Variants in RIPK2 observed in about 807,000 individuals in gnomAD.
The protein encoded by RIPK2 is receptor-interacting serine/threonine-protein kinase 2.
RIPK2 carries 38 observed loss-of-function variants against 60.9 expected under a neutral mutation model. The ratio of observed to expected loss-of-function variants is 0.62; its 90% confidence interval spans 0.48 to 0.82. RIPK2 has a LOEUF of 0.82. Ranked by LOEUF, RIPK2 falls within the 40% of genes least tolerant of loss-of-function variation. The pLI is 0.00. For synonymous variants in RIPK2, 225 were observed against 223.4 expected, an observed-to-expected ratio of 1.01 and a Z score of -0.06; for missense variants, 518 against 647.0, an observed-to-expected ratio of 0.80 and a Z score of 2.16.
chr8:89,770,771 C>T (rs1235982787), intron 4 of RIPK2, among the ~76,000 whole-genome samples: 1 of 151,822 alleles, frequency 6.6e-6, no homozygotes, highest in Non-Finnish European at 1.5e-5. Flanking sequence ...TCTTCAAAAG[C>T]ATTTTAATTT....
At chr8:89,766,645 T>TTC (rs1361775937) in intron 3 of RIPK2, among the ~76,000 whole-genome samples, 6 of 151,114 alleles carry the variant, frequency 4.0e-5, no homozygotes, top group African/African-American at 1.5e-4. Flanking sequence ...AAAATGATAA[T>TTC]ACCAAATGCC....
At chr8:89,776,710 T>C (rs1452562895) in intron 6 of RIPK2, among the ~76,000 whole-genome samples, 1 of 152,144 alleles carries the variant, frequency 6.6e-6, no homozygotes, top group African/African-American at 2.4e-5. Context: ...AACAGAATAG[T>C]AGATGTATTT....
intron 8 of RIPK2, among the ~76,000 whole-genome samples, chr8:89,786,013 T>C (rs1045529671): frequency 6.6e-5 from 10 of 152,214 alleles, no homozygotes; most frequent in Non-Finnish European, 1.3e-4. Context: ...TTCTAGCTAC[T>C]GGCTGCAGCA....
At chr8:89,762,512 C>T (rs1002777761) in intron 1 of RIPK2, among the ~76,000 whole-genome samples, 3 of 152,146 alleles carry the variant, frequency 2.0e-5, no homozygotes, top group African/African-American at 7.2e-5. Flanking sequence ...ATTGTTCTAA[C>T]ATAGATAGAC....
chr8:89,780,966 T>C (rs1054887069), intron 7 of RIPK2, among the ~76,000 whole-genome samples: 2 of 151,048 alleles, frequency 1.3e-5, no homozygotes, highest in African/African-American at 4.9e-5. Flanking sequence ...TTAATATTAC[T>C]CAAAATTGTT....
chr8:89,758,257 G>T, intron 1 of RIPK2, 24 bp downstream of exon 1: 1 of 1,576,630 alleles, frequency 6.3e-7, no homozygotes. Flanking sequence ...GGGGTTCCCT[G>T]GAAGAGCCCT....
chr8:89,776,647 C>A (rs1252480174), intron 6 of RIPK2, among the ~76,000 whole-genome samples: 1 of 152,166 alleles, frequency 6.6e-6, no homozygotes, highest in African/African-American at 2.4e-5. Context: ...CCCTCAGGAA[C>A]CACCCCCGCC....
intron 6 of RIPK2, among the ~76,000 whole-genome samples, chr8:89,778,391 C>A (rs1195594317): frequency 1.3e-5 from 2 of 152,090 alleles, no homozygotes; most frequent in African/African-American, 4.8e-5. Flanking sequence ...TTACAGTTTG[C>A]AACCATTACT....
chr8:89,781,680 A>G (rs1355549992), intron 7 of RIPK2, among the ~76,000 whole-genome samples: 1 of 152,132 alleles, frequency 6.6e-6, no homozygotes, highest in Non-Finnish European at 1.5e-5. Context: ...TCCCTTATGC[A>G]TGGGAGATAC....
rs777175439 is a variant in RIPK2 at position 89,769,757 on chromosome 8, T to C, written c.484-15T>C. On this transcript the variant is annotated splice_polypyrimidine_tract_variant and intron_variant, in intron 3 of 10. Transcript: ENST00000220751. Reference sequence around the variant, plus strand: ...AAGAGGAAATTTCTTAATTATTTGCTCTTGTCCCTTACAGATTGCAGATTT... The same window carrying C: ...AAGAGGAAATTTCTTAATTATTTGCCCTTGTCCCTTACAGATTGCAGATTT... 1.3e-6 allele frequency: 2 copies of C among 1,547,976 alleles called. No homozygotes were observed. The highest frequency in any genetic ancestry group is 1.7e-6 in the Non-Finnish European group (2 of 1,151,002).
chr8:89,789,179 A>G, intron 9 of RIPK2, 142 bp from the exon 10 acceptor site: 1 of 631,290 alleles, frequency 1.6e-6, no homozygotes, highest in South Asian at 2.3e-5. Context: ...TACTTGCAGA[A>G]TTAGGTTTCT....
chr8:89,763,075 G>C (rs906610767), intron 2 of RIPK2, 93 bp downstream of exon 2: 1 of 793,074 alleles, frequency 1.3e-6, no homozygotes, highest in African/African-American at 1.8e-5. Context: ...GATTATTTAG[G>C]GGTATATAGA....
intron 7 of RIPK2, among the ~76,000 whole-genome samples, chr8:89,782,782 A>G (rs941694976): frequency 2.0e-5 from 3 of 152,234 alleles, no homozygotes; most frequent in Admixed American, 6.5e-5. Context: ...TGAATAATAA[A>G]CACTGAATAA....
At chr8:89,763,847 T>C (rs1563610027) in intron 2 of RIPK2, among the ~76,000 whole-genome samples, 1 of 152,188 alleles carries the variant, frequency 6.6e-6, no homozygotes, top group Non-Finnish European at 1.5e-5. Context: ...TGTCAGTCTG[T>C]AAGATTTGTA....
intron 8 of RIPK2, among the ~76,000 whole-genome samples, chr8:89,784,432 A>T (rs1175207487): frequency 6.6e-6 from 1 of 152,184 alleles, no homozygotes; most frequent in Non-Finnish European, 1.5e-5. Context: ...TATGTAGGCA[A>T]ATCATTGATT....
chr8:89,779,805 T>C (rs1471997930), intron 6 of RIPK2, among the ~76,000 whole-genome samples: 1 of 152,204 alleles, frequency 6.6e-6, no homozygotes, highest in African/African-American at 2.4e-5. Context: ...ATCCAACTGT[T>C]TTAGCATCAT....
chr8:89,786,554 T>A, intron 8 of RIPK2, 39 bp from the exon 9 acceptor site: 1 of 1,114,710 alleles, frequency 9.0e-7, no homozygotes, highest in South Asian at 1.4e-5. Context: ...GCTCGATAAT[T>A]TTTATTAACC....
intron 7 of RIPK2, among the ~76,000 whole-genome samples, chr8:89,781,368 T>A (rs200626183): frequency 9.7e-6 from 1 of 103,384 alleles, no homozygotes; most frequent in African/African-American, 3.2e-5. Flanking sequence ...TTTTTTTTTT[T>A]TTTTTTTTAG....
intron 1 of RIPK2, among the ~76,000 whole-genome samples, chr8:89,762,445 A>G (rs76043443): frequency 6.6e-6 from 1 of 152,208 alleles, no homozygotes; most frequent in Non-Finnish European, 1.5e-5. Flanking sequence ...ATATTCTAAT[A>G]AAACATGCTC....
Sources: gnomAD v4.1 joint callset for allele counts (sites outside exome capture counted in the v4.1 genomes callset) on GRCh38, gnomAD v4.1.1 for gene constraint, MANE v1.5 for transcripts, NCBI Gene and HGNC (gene_info 2026-07-23, HGNC 2026-07-21) for gene names.